Variants in NEGR1 observed in about 807,000 individuals in gnomAD.
The protein encoded by NEGR1 is IgLON family member 4.
NEGR1 carries 10 observed loss-of-function variants against 40.9 expected under a neutral mutation model. That is an observed-to-expected ratio of 0.24 (90% CI 0.15 to 0.42). The LOEUF (loss-of-function observed/expected upper bound fraction) is 0.42. Among genes scored for constraint, NEGR1 ranks in the 10% least tolerant of loss-of-function variants. The pLI is 1.00. For synonymous variants in NEGR1, 185 were observed against 166.8 expected (o/e 1.11, Z -0.84); for missense variants, 352 against 438.9 (o/e 0.80, Z 1.77).
At chr1:71,662,711 T>C in intron 4 of NEGR1, among the ~76,000 whole-genome samples, 1 of 151,288 alleles carries the variant, frequency 6.6e-6, no homozygotes, top group East Asian at 1.9e-4. Context: ...TATTATAAAA[T>C]AGAAATGGAA....
chr1:72,144,077 T>G (rs997540476), intron 1 of NEGR1, among the ~76,000 whole-genome samples: 7 of 146 alleles, frequency 0.048, no homozygotes, highest in Non-Finnish European at 0.13. Flanking sequence ...GAGGTAAGAT[T>G]TTTTTTTTAA....
chr1:71,448,476 G>C (rs1455732162), intron 6 of NEGR1, among the ~76,000 whole-genome samples: 2 of 152,154 alleles, frequency 1.3e-5, no homozygotes, highest in Non-Finnish European at 2.9e-5. Context: ...GCATACGCCT[G>C]TAGTCCCAGC....
rs531475090 is a variant in NEGR1, at chr1:71,440,734, A to T, written c.941-33164T>A. Among the ~76,000 whole-genome samples, 8 of 152,312 alleles carry T rather than the reference A, an allele frequency of 5.3e-5. No homozygotes were observed. The East Asian group carries it at 1.5e-3, about 29-fold the overall frequency. ...TTACCAAGATGTCCCAAGTGATCCAAATGCACATTAAAGTTTGAGAGACAC... is the reference window on the plus strand; with the variant it reads ...TTACCAAGATGTCCCAAGTGATCCATATGCACATTAAAGTTTGAGAGACAC... On this transcript the variant is annotated intron_variant, in intron 6 of 6. Transcript: ENST00000357731.
At chr1:72,145,504 T>C (rs1415645581) in intron 1 of NEGR1, among the ~76,000 whole-genome samples, 1 of 152,146 alleles carries the variant, frequency 6.6e-6, no homozygotes, top group African/African-American at 2.4e-5. Context: ...TGTGCAAACT[T>C]AAAGTTGACA....
intron 1 of NEGR1, among the ~76,000 whole-genome samples, chr1:72,039,656 C>T (rs1284346018): frequency 4.0e-5 from 6 of 151,796 alleles, no homozygotes; most frequent in Admixed American, 1.3e-4. Context: ...CCCTGATGAA[C>T]ATAAAGGATA....
At chr1:72,173,724 T>G (rs1172034341) in intron 1 of NEGR1, among the ~76,000 whole-genome samples, 1 of 152,084 alleles carries the variant, frequency 6.6e-6, no homozygotes, top group Non-Finnish European at 1.5e-5. Flanking sequence ...GCAGATCACC[T>G]GAGGTGAGGA....
At chr1:72,057,858 T>C (rs937743172) in intron 1 of NEGR1, among the ~76,000 whole-genome samples, 1 of 151,374 alleles carries the variant, frequency 6.6e-6, no homozygotes, top group African/African-American at 2.4e-5. Flanking sequence ...CTTCTTATAA[T>C]GGCACCAGCC....
chr1:71,453,341 T>A (rs193265378), intron 6 of NEGR1, among the ~76,000 whole-genome samples: 3 of 152,228 alleles, frequency 2.0e-5, no homozygotes, highest in Admixed American at 2.0e-4. Flanking sequence ...TATAATAAAC[T>A]GTCCCTGGCT....
intron 1 of NEGR1, among the ~76,000 whole-genome samples, chr1:72,160,950 A>G (rs1296900984): frequency 1.3e-5 from 2 of 152,188 alleles, no homozygotes; most frequent in South Asian, 2.1e-4. Flanking sequence ...GGATCTATCC[A>G]TGTTTCCTGG....
At chr1:71,502,132 C>T (rs1202216585) in intron 6 of NEGR1, among the ~76,000 whole-genome samples, 1 of 152,068 alleles carries the variant, frequency 6.6e-6, no homozygotes, top group African/African-American at 2.4e-5. Flanking sequence ...GGCAGCCACC[C>T]GGCAAACGTA....
At chr1:71,754,601 C>A (rs1425112476) in intron 3 of NEGR1, among the ~76,000 whole-genome samples, 2 of 152,070 alleles carry the variant, frequency 1.3e-5, no homozygotes, top group African/African-American at 2.4e-5. Context: ...AAATATCCCA[C>A]TTTTCTTCTC....
chr1:72,178,555 A>G (rs1208222413), intron 1 of NEGR1, among the ~76,000 whole-genome samples: 1 of 151,794 alleles, frequency 6.6e-6, no homozygotes, highest in Non-Finnish European at 1.5e-5. Context: ...TAGGAATTCT[A>G]TGACATTTCT....
At chr1:72,245,520 G>A (rs996151030) in intron 1 of NEGR1, among the ~76,000 whole-genome samples, 3 of 152,058 alleles carry the variant, frequency 2.0e-5, no homozygotes, top group Non-Finnish European at 4.4e-5. Context: ...ATCAACTCAT[G>A]TTTTAATAAT....
At chr1:72,036,559 G>C (rs965241584) in intron 1 of NEGR1, among the ~76,000 whole-genome samples, 1 of 151,474 alleles carries the variant, frequency 6.6e-6, no homozygotes, top group Non-Finnish European at 1.5e-5. Flanking sequence ...GGGAGACTGA[G>C]GCAGAAGAAT....
chr1:72,077,527 T>C (rs947258936), intron 1 of NEGR1, among the ~76,000 whole-genome samples: 11 of 152,198 alleles, frequency 7.2e-5, no homozygotes, highest in African/African-American at 2.6e-4. Context: ...CAGTAGTTCA[T>C]GCCTGTAATC....
chr1:71,870,553 C>T (rs1660251832), intron 2 of NEGR1, among the ~76,000 whole-genome samples: 1 of 152,126 alleles, frequency 6.6e-6, no homozygotes, highest in African/African-American at 2.4e-5. Context: ...ACTTGCACTA[C>T]AATTACAGCT....
intron 2 of NEGR1, among the ~76,000 whole-genome samples, chr1:71,777,692 T>C (rs1200028681): frequency 1.3e-5 from 2 of 152,102 alleles, no homozygotes; most frequent in African/African-American, 4.8e-5. Context: ...AACTAAAATC[T>C]GTTGTGACGA....
chr1:71,437,807 AG>A (rs2101307068), intron 6 of NEGR1, among the ~76,000 whole-genome samples: 1 of 152,346 alleles, frequency 6.6e-6, no homozygotes, highest in South Asian at 2.1e-4. Flanking sequence ...AAGTGTCAGC[AG>A]TGCTCATGCT....
intron 6 of NEGR1, among the ~76,000 whole-genome samples, chr1:71,559,040 TATATAC>T (rs141133597): frequency 0.089 from 6,784 of 76,394 alleles, 254 homozygotes; most frequent in Admixed American, 0.19. Flanking sequence ...TATATATATA[TATATAC>T]ACATATATAT....
Sources: allele counts gnomAD v4.1 joint callset (sites outside exome capture counted in the v4.1 genomes callset), GRCh38; gene constraint gnomAD v4.1.1; transcripts MANE v1.5; gene names NCBI Gene and HGNC (gene_info 2026-07-23, HGNC 2026-07-21).